Variants in COMMD1 observed in about 807,000 individuals in gnomAD.
COMMD1 encodes copper metabolism domain containing 1, also known as COMM domain-containing protein 1.
Under a neutral mutation model 17.2 loss-of-function variants are expected in COMMD1, and 10 were observed. The observed-to-expected ratio is 0.58, with a 90% CI of 0.36 to 0.99. The LOEUF (loss-of-function observed/expected upper bound fraction) is 0.99. Ranked by LOEUF, COMMD1 falls within the 50% of genes least tolerant of loss-of-function variation. COMMD1 has a pLI of 0.01. For missense variants in COMMD1, 270 were observed against 231.8 expected (o/e 1.17, Z -1.07); for synonymous variants, 97 against 91.6 (o/e 1.06, Z -0.34).
chr2:62,080,458 C>T (rs1158112162), intron 2 of COMMD1, among the ~76,000 whole-genome samples: 2 of 152,104 alleles, frequency 1.3e-5, no homozygotes, highest in Non-Finnish European at 2.9e-5. Flanking sequence ...CTGAGATGTA[C>T]ATTTGGGCCA....
At chr2:61,931,426 A>C (rs1483232992) in intron 1 of COMMD1, among the ~76,000 whole-genome samples, 3 of 152,208 alleles carry the variant, frequency 2.0e-5, no homozygotes. Context: ...GATGCTGATC[A>C]CATAGTAGCG....
At chr2:62,109,919 CTTT>C (rs11345736) in intron 2 of COMMD1, among the ~76,000 whole-genome samples, 1 of 73,848 alleles carries the variant, frequency 1.4e-5, no homozygotes. Context: ...TTATCTTGAT[CTTT>C]TTTTTTTTTT....
chr2:62,016,853 G>A (rs1239025747), intron 2 of COMMD1, among the ~76,000 whole-genome samples: 3 of 151,948 alleles, frequency 2.0e-5, no homozygotes, highest in African/African-American at 7.3e-5. Context: ...TCACTCTTAG[G>A]CTTAGGTCTT....
intron 2 of COMMD1, among the ~76,000 whole-genome samples, chr2:62,043,976 T>G (rs1448315564): frequency 6.6e-6 from 1 of 152,224 alleles, no homozygotes; most frequent in Non-Finnish European, 1.5e-5. Flanking sequence ...TGTTATATTT[T>G]TGTTTTTTAG....
intron 2 of COMMD1, among the ~76,000 whole-genome samples, chr2:62,002,890 T>C (rs10175995): frequency 6.6e-6 from 1 of 152,072 alleles, no homozygotes; most frequent in Non-Finnish European, 1.5e-5. Flanking sequence ...TATTCAGTTA[T>C]TATAAAGTAG....
At chr2:62,056,752 G>A (rs1670714118) in intron 2 of COMMD1, among the ~76,000 whole-genome samples, 1 of 152,188 alleles carries the variant, frequency 6.6e-6, no homozygotes, top group Non-Finnish European at 1.5e-5. Context: ...AGACCCATGA[G>A]TTGGGAAGGA....
upstream of COMMD1, among the ~76,000 whole-genome samples, chr2:61,901,470 A>G (rs1367454516): frequency 6.6e-6 from 1 of 151,818 alleles, no homozygotes; most frequent in Non-Finnish European, 1.5e-5. Context: ...TAAAAATACA[A>G]AAATTAGGTC....
chr2:62,009,674 C>A (rs1044766891), intron 2 of COMMD1, among the ~76,000 whole-genome samples: 1 of 150,528 alleles, frequency 6.6e-6, no homozygotes, highest in Non-Finnish European at 1.5e-5. Flanking sequence ...TGCTTTCACA[C>A]ACTTGTTAAA....
intron 1 of COMMD1, 64 bp downstream of exon 1, chr2:61,905,922 T>C (rs1032355735): frequency 2.6e-6 from 4 of 1,528,352 alleles, no homozygotes; most frequent in East Asian, 2.3e-5. Context: ...CTTCAGACTC[T>C]CCCCCCCTTG....
At chr2:62,069,993 C>G (rs1445967695) in intron 2 of COMMD1, 1 of 152,188 alleles carries the variant, frequency 6.6e-6, no homozygotes, top group Non-Finnish European at 1.5e-5. Context: ...CAAAAGTTAG[C>G]ATAGACCCCA....
chr2:61,990,890 AAATAT>A (rs1415230699), intron 1 of COMMD1, among the ~76,000 whole-genome samples: 1 of 89,586 alleles, frequency 1.1e-5, no homozygotes, highest in African/African-American at 5.9e-5. Context: ...AAAAAAAAAA[AAATAT>A]ATATATATAC....
At chr2:61,922,972 A>G (rs1173789784) in intron 1 of COMMD1, among the ~76,000 whole-genome samples, 1 of 152,242 alleles carries the variant, frequency 6.6e-6, no homozygotes, top group Non-Finnish European at 1.5e-5. Flanking sequence ...GTAATTTAAT[A>G]TAATCCTGAT....
intron 1 of COMMD1, among the ~76,000 whole-genome samples, chr2:61,951,106 G>A (rs111279093): frequency 0.012 from 1,893 of 152,244 alleles, 45 homozygotes; most frequent in African/African-American, 0.042. Context: ...AAACTCCCAC[G>A]GAGAGAGGGT....
At chr2:61,954,038 T>G (rs1337129510) in intron 1 of COMMD1, among the ~76,000 whole-genome samples, 3 of 151,952 alleles carry the variant, frequency 2.0e-5, no homozygotes, top group Non-Finnish European at 2.9e-5. Context: ...GCCAACATCG[T>G]GAAACCCCAT....
chr2:62,092,661 G>A (rs551974599), intron 2 of COMMD1, among the ~76,000 whole-genome samples: 1 of 152,246 alleles, frequency 6.6e-6, no homozygotes, highest in South Asian at 2.1e-4. Flanking sequence ...GGGGTCGTCA[G>A]CCCCCGGGAG....
chr2:61,916,728 G>T (rs1427521501), intron 1 of COMMD1, among the ~76,000 whole-genome samples: 1 of 152,088 alleles, frequency 6.6e-6, no homozygotes. Context: ...TGTCTGACCT[G>T]TATTTAGCTT....
intron 1 of COMMD1, among the ~76,000 whole-genome samples, chr2:62,000,163 A>G (rs771998873): frequency 3.2e-4 from 49 of 152,040 alleles, no homozygotes; most frequent in Non-Finnish European, 2.6e-4. Context: ...ACCTCAAGCA[A>G]TCTGCCCACC....
At chr2:62,016,677 C>T (rs1400436511) in intron 2 of COMMD1, among the ~76,000 whole-genome samples, 8 of 152,026 alleles carry the variant, frequency 5.3e-5, no homozygotes, top group Admixed American at 5.3e-4. Context: ...TTTTCACTCC[C>T]CTCCAGATCA....
intron 1 of COMMD1, among the ~76,000 whole-genome samples, chr2:61,987,594 C>A (rs1672138960): frequency 6.6e-6 from 1 of 152,160 alleles, no homozygotes; most frequent in African/African-American, 2.4e-5. Context: ...CACAAGGACC[C>A]CTGTGGCCAC....
Sources: allele counts gnomAD v4.1 joint callset (sites outside exome capture counted in the v4.1 genomes callset), GRCh38; gene constraint gnomAD v4.1.1; transcripts MANE v1.5; gene names NCBI Gene and HGNC (gene_info 2026-07-23, HGNC 2026-07-21).